MSH4: variants seen among roughly 807,000 people sequenced by gnomAD.
MSH4 encodes the protein mutS homolog 4, also known as mutS protein homolog 4.
In MSH4, 106 loss-of-function variants were observed where a neutral mutation model predicts 113.7. The ratio of observed to expected loss-of-function variants is 0.93; its 90% CI spans 0.80 to 1.10. MSH4 has a LOEUF of 1.10. MSH4 is among the 50% of genes least tolerant of loss of function. MSH4 has a pLI of 0.00. For synonymous variants in MSH4, 368 were observed against 380.2 expected, an observed-to-expected ratio of 0.97 and a Z score of 0.37; for missense variants, 1,061 against 1,093.7, an observed-to-expected ratio of 0.97 and a Z score of 0.42.
intron 19 of MSH4, among the ~76,000 whole-genome samples, chr1:75,900,604 G>C (rs1212823453): frequency 6.6e-6 from 1 of 152,146 alleles, no homozygotes; most frequent in Non-Finnish European, 1.5e-5. Context: ...ACCGCTCCCA[G>C]CTGCTTTACA....
At chr1:75,823,439 A>T (rs1021390506) in intron 7 of MSH4, among the ~76,000 whole-genome samples, 7 of 152,168 alleles carry the variant, frequency 4.6e-5, no homozygotes, top group South Asian at 2.1e-4. Flanking sequence ...AGTCACCAAC[A>T]GGCATATTGC....
intron 2 of MSH4, among the ~76,000 whole-genome samples, chr1:75,806,527 A>G (rs370122990): frequency 1.3e-5 from 2 of 152,094 alleles, no homozygotes; most frequent in Non-Finnish European, 2.9e-5. Flanking sequence ...GATTACAGGC[A>G]TGAGCCACCG....
At chr1:75,902,696 TA>T (rs1652533436) in intron 19 of MSH4, among the ~76,000 whole-genome samples, 2 of 16,884 alleles carry the variant, frequency 1.2e-4, no homozygotes, top group African/African-American at 2.9e-4. Context: ...TATATATATA[TA>T]TATATATATA....
chr1:75,843,352 G>A (rs548475641), intron 7 of MSH4, among the ~76,000 whole-genome samples: 8 of 152,194 alleles, frequency 5.3e-5, no homozygotes, highest in Admixed American at 1.3e-4. Flanking sequence ...TGCTGCACAC[G>A]GGGAGAAACT....
At chr1:75,902,235 G>A (rs1652520986) in intron 19 of MSH4, among the ~76,000 whole-genome samples, 1 of 151,774 alleles carries the variant, frequency 6.6e-6, no homozygotes, top group Non-Finnish European at 1.5e-5. Context: ...AGATTGAGGG[G>A]GTACATGTGC....
At position 75,815,083 on chromosome 1, in the gene MSH4, T is replaced by C. The variant is rs1650268613; in HGVS notation, c.762T>C (p.Ile254=). The change falls in exon 5 of 20, where the codon ATT becomes ATC. Residue 254 remains isoleucine (I), a synonymous_variant. Coordinates refer to ENST00000263187, the MANE Select transcript of MSH4 (RefSeq NM_002440.4). Reference sequence around the variant, plus strand: ...ATGAAACAAAAGGATTAGAGTACATTGAACAGTTATGCATAGCAGAATTCA... The same window carrying C: ...ATGAAACAAAAGGATTAGAGTACATCGAACAGTTATGCATAGCAGAATTCA... The part of the protein sequence containing the change: ...YFNETKGLEY[I]EQLCIAEFST... The C allele has an allele frequency of 1.2e-6, 2 of 1,607,728 alleles. No individual in the cohort carries two copies. Among genetic ancestry groups the C allele is most frequent in the Non-Finnish European group, 1.7e-6 (2 of 1,176,674 alleles).
chr1:75,804,129 T>G (rs539823966), intron 2 of MSH4, among the ~76,000 whole-genome samples: 33 of 152,218 alleles, frequency 2.2e-4, no homozygotes, highest in Non-Finnish European at 4.3e-4. Context: ...CTACATTATT[T>G]TAACCATTCT....
intron 8 of MSH4, 54 bp from the exon 9 acceptor site, chr1:75,867,460 T>G: frequency 1.1e-6 from 1 of 945,800 alleles, no homozygotes; most frequent in Non-Finnish European, 1.7e-6. Flanking sequence ...GAAAACCCAT[T>G]GTTCTATTAA....
At chr1:75,816,339 G>T (rs1376276152) in intron 5 of MSH4, 34 bp from the exon 6 acceptor site, 3 of 1,434,420 alleles carry the variant, frequency 2.1e-6, no homozygotes, top group East Asian at 2.3e-5. Flanking sequence ...TTATATTAAA[G>T]ACTTATAGTG....
At chr1:75,817,382 G>A (rs1364683341) in intron 6 of MSH4, among the ~76,000 whole-genome samples, 1 of 152,040 alleles carries the variant, frequency 6.6e-6, no homozygotes, top group African/African-American at 2.4e-5. Context: ...CTCTGTCTTT[G>A]ACTTTCTATG....
At chr1:75,912,222 C>T (rs1171076774) in intron 19 of MSH4, among the ~76,000 whole-genome samples, 1 of 151,946 alleles carries the variant, frequency 6.6e-6, no homozygotes, top group Non-Finnish European at 1.5e-5. Context: ...TTCTGTGTAC[C>T]AGTTTATCTG....
intron 19 of MSH4, among the ~76,000 whole-genome samples, chr1:75,900,901 CT>C (rs1397452731): frequency 6.6e-6 from 1 of 152,136 alleles, no homozygotes; most frequent in African/African-American, 2.4e-5. Context: ...CTCTACTAGC[CT>C]TCTAGTAGGC....
Position 75,800,247 on chromosome 1 carries a change from T to G in MSH4, c.244+3018T>G, listed in dbSNP as rs1244907507. Among the ~76,000 whole-genome samples the G allele has an allele frequency of 3.9e-5, 6 of 152,308 alleles. No individual in the cohort carries two copies. The East Asian group carries it at 1.2e-3, about 29-fold the overall frequency. ...ATTTTATGCTGGTTCTACACACGTC[T>G]TTATGATAGCACCCCTACACCCTGT... On this transcript the variant is annotated intron_variant, in intron 1 of 19. Transcript: ENST00000263187.
chr1:75,819,523 G>T lies in MSH4; in HGVS notation c.990-2886G>T, dbSNP rs374601100. On this transcript the variant is annotated intron_variant, in intron 6 of 19. Coordinates refer to ENST00000263187, the MANE Select transcript of MSH4 (RefSeq NM_002440.4). ...AATAAATAAAAAGTTATTGGCAATC[G>T]CCATTAGGCTGTAAGGTCTGTGAAG... Among the ~76,000 whole-genome samples the T allele has an allele frequency of 2.3e-4, 35 of 152,220 alleles. No homozygotes were observed. The East Asian group carries it at 6.6e-3, about 29-fold the overall frequency.
At chr1:75,816,054 A>G (rs1196018945) in intron 5 of MSH4, among the ~76,000 whole-genome samples, 1 of 152,128 alleles carries the variant, frequency 6.6e-6, no homozygotes, top group Non-Finnish European at 1.5e-5. Flanking sequence ...ACATTATTTG[A>G]ATACTTAGAA....
chr1:75,800,120 G>A (rs1179002338), intron 1 of MSH4, among the ~76,000 whole-genome samples: 1 of 152,122 alleles, frequency 6.6e-6, no homozygotes, highest in Non-Finnish European at 1.5e-5. Context: ...AGTAGTCTGA[G>A]AACAAGAAAC....
At chr1:75,902,655 G>T (rs1470961087) in intron 19 of MSH4, among the ~76,000 whole-genome samples, 1 of 126,186 alleles carries the variant, frequency 7.9e-6, no homozygotes, top group Non-Finnish European at 1.6e-5. Context: ...ACTAGGTACA[G>T]GTGTTATATA....
At chr1:75,870,074 C>G (rs900639570) in intron 9 of MSH4, among the ~76,000 whole-genome samples, 1 of 152,198 alleles carries the variant, frequency 6.6e-6, no homozygotes, top group African/African-American at 2.4e-5. Context: ...TCACTTCTTG[C>G]ATCAGTGTGA....
chr1:75,804,499 C>CTTT (rs5775308), intron 2 of MSH4, among the ~76,000 whole-genome samples: 2 of 123,272 alleles, frequency 1.6e-5, no homozygotes, highest in African/African-American at 6.0e-5. Flanking sequence ...TATGACCTTC[C>CTTT]TTTTTTTTTT....
Sources: gnomAD v4.1 joint callset for allele counts (sites outside exome capture counted in the v4.1 genomes callset) on GRCh38, gnomAD v4.1.1 for gene constraint, MANE v1.5 for transcripts, NCBI Gene and HGNC (gene_info 2026-07-23, HGNC 2026-07-21) for gene names.